Variants in ACOXL observed in about 807,000 individuals in gnomAD.
ACOXL encodes acyl-coenzyme A oxidase-like protein.
ACOXL carries 70 observed loss-of-function variants against 71.9 expected under a neutral mutation model. That is an observed-to-expected ratio of 0.97 (90% CI 0.80 to 1.19). ACOXL has a LOEUF of 1.19. ACOXL is among the 50% of genes most tolerant of loss of function. The pLI is 0.00. For synonymous variants in ACOXL, 253 were observed against 281.6 expected (o/e 0.90, Z 1.02); for missense variants, 703 against 736.3 (o/e 0.95, Z 0.52).
At chr2:110,825,807 G>A (rs187981559) in intron 9 of ACOXL, among the ~76,000 whole-genome samples, 2 of 152,234 alleles carry the variant, frequency 1.3e-5, no homozygotes, top group Admixed American at 6.5e-5. Flanking sequence ...CAGCCACAGT[G>A]GAGATTTTTC....
At chr2:110,840,496 T>C (rs1691027574) in intron 9 of ACOXL, among the ~76,000 whole-genome samples, 1 of 152,190 alleles carries the variant, frequency 6.6e-6, no homozygotes, top group Non-Finnish European at 1.5e-5. Context: ...ACATTAATTC[T>C]GTGAGAAAGT....
intron 2 of ACOXL, among the ~76,000 whole-genome samples, chr2:110,771,464 G>A (rs1052795142): frequency 2.6e-5 from 4 of 152,098 alleles, no homozygotes; most frequent in Non-Finnish European, 5.9e-5. Context: ...GGCAGAACGC[G>A]GTGTATAATG....
intron 1 of ACOXL, among the ~76,000 whole-genome samples, chr2:110,767,923 A>AAC (rs58524964): frequency 0.027 from 3,032 of 114,400 alleles, 62 homozygotes; most frequent in African/African-American, 0.031. Context: ...GTCTCTACTA[A>AAC]ACACACACAC....
intron 10 of ACOXL, among the ~76,000 whole-genome samples, chr2:110,869,992 TC>T (rs1407862068): frequency 6.6e-6 from 1 of 152,250 alleles, no homozygotes; most frequent in African/African-American, 2.4e-5. Context: ...AGCATGTGGG[TC>T]TCACAGAGCC....
chr2:110,898,187 A>G (rs913972553), intron 10 of ACOXL, among the ~76,000 whole-genome samples: 9 of 149,782 alleles, frequency 6.0e-5, no homozygotes, highest in African/African-American at 2.2e-4. Flanking sequence ...GCAACAGTCT[A>G]TACAACTCTT....
chr2:110,927,884 G>A (rs993344716), intron 11 of ACOXL, among the ~76,000 whole-genome samples: 1 of 152,204 alleles, frequency 6.6e-6, no homozygotes, highest in Admixed American at 6.5e-5. Flanking sequence ...GGTCCATGAG[G>A]TAGCTGGCCA....
At chr2:110,841,286 T>C in intron 9 of ACOXL, 85 bp from the exon 10 acceptor site, 3 of 954,116 alleles carry the variant, frequency 3.1e-6, no homozygotes, top group Non-Finnish European at 4.9e-6. Context: ...TAAAACGTAA[T>C]TGGCCGTATC....
At chr2:110,988,449 A>T (rs1001392319) in intron 13 of ACOXL, among the ~76,000 whole-genome samples, 48 of 152,232 alleles carry the variant, frequency 3.2e-4, no homozygotes, top group Middle Eastern at 3.4e-3. Context: ...AAAAAAAAAA[A>T]TACTGACCCC....
chr2:110,797,868 T>G (rs1373800260), intron 5 of ACOXL, among the ~76,000 whole-genome samples: 9 of 152,184 alleles, frequency 5.9e-5, no homozygotes. Flanking sequence ...TTGGATGAGT[T>G]AAAGGTCAAA....
Position 110,873,038 on chromosome 2 carries a change from C to T in ACOXL, c.788+31633C>T, listed in dbSNP as rs189335582. On this transcript the variant is annotated intron_variant, in intron 10 of 17. Coordinates refer to ENST00000439055, the MANE Select transcript of ACOXL (RefSeq NM_001142807.4). The stretch of plus-strand genomic sequence containing the variant: ...TGCCTGCATTTGTTTTAACATAAAA[C>T]AAATGTTTTATGAGTCACATTGACA... Among the ~76,000 whole-genome samples the T allele has an allele frequency of 4.7e-3, 722 of 152,294 alleles. 4 individuals carry two copies. The highest frequency in any genetic ancestry group is 0.027 in the Middle Eastern group (8 of 294).
At chr2:110,759,065 TG>T (rs762334118) in intron 1 of ACOXL, among the ~76,000 whole-genome samples, 4 of 152,316 alleles carry the variant, frequency 2.6e-5, no homozygotes, top group Non-Finnish European at 4.4e-5. Context: ...TCAGTTCCTT[TG>T]CATTTGCTGA....
chr2:111,033,052 G>A (rs780603628), intron 15 of ACOXL, among the ~76,000 whole-genome samples: 12 of 152,118 alleles, frequency 7.9e-5, no homozygotes, highest in Non-Finnish European at 1.5e-4. Context: ...CTCATGGGAC[G>A]GGAAGCAGGG....
intron 12 of ACOXL, among the ~76,000 whole-genome samples, chr2:110,976,404 A>G (rs922575519): frequency 1.3e-5 from 2 of 152,258 alleles, no homozygotes; most frequent in Non-Finnish European, 2.9e-5. Context: ...AAAATGGAAT[A>G]ATACCTTTAA....
intron 15 of ACOXL, among the ~76,000 whole-genome samples, chr2:111,035,405 A>C (rs1266167448): frequency 6.6e-6 from 1 of 152,186 alleles, no homozygotes; most frequent in East Asian, 1.9e-4. Flanking sequence ...TTGCCCTAGA[A>C]AGTGCAGCTC....
chr2:111,075,317 G>A (rs1282051185), intron 16 of ACOXL, among the ~76,000 whole-genome samples: 3 of 151,728 alleles, frequency 2.0e-5, no homozygotes, highest in African/African-American at 7.3e-5. Flanking sequence ...TATGATCCTT[G>A]GTAACATGAA....
intron 12 of ACOXL, among the ~76,000 whole-genome samples, chr2:110,981,054 G>A (rs1448706921): frequency 6.6e-6 from 1 of 152,194 alleles, no homozygotes; most frequent in Non-Finnish European, 1.5e-5. Context: ...CAGCTTAGGT[G>A]TGGAATTATT....
intron 15 of ACOXL, among the ~76,000 whole-genome samples, chr2:111,048,927 A>G (rs533360449): frequency 8.9e-4 from 136 of 152,288 alleles, no homozygotes; most frequent in Non-Finnish European, 1.6e-3. Context: ...TGGGGACAAG[A>G]TGACCCAAAA....
chr2:110,800,729 T>C (rs1025533468), intron 7 of ACOXL, among the ~76,000 whole-genome samples: 4 of 152,118 alleles, frequency 2.6e-5, no homozygotes, highest in African/African-American at 9.7e-5. Context: ...GTGTTTACTG[T>C]GCACTGCCAT....
chr2:110,803,036 GA>G (rs1433397087), intron 8 of ACOXL, among the ~76,000 whole-genome samples: 1 of 151,870 alleles, frequency 6.6e-6, no homozygotes, highest in Admixed American at 6.6e-5. Flanking sequence ...AAAGCAAAAA[GA>G]AAAAGAAAAA....
Sources: allele counts gnomAD v4.1 joint callset (sites outside exome capture counted in the v4.1 genomes callset), GRCh38; gene constraint gnomAD v4.1.1; transcripts MANE v1.5; gene names NCBI Gene and HGNC (gene_info 2026-07-23, HGNC 2026-07-21).